The following PAPSS1 variants were observed in gnomAD, a reference collection of about 807,000 sequenced individuals.
The protein encoded by PAPSS1 is 3'-phosphoadenosine 5'-phosphosulfate synthase 1.
A neutral mutation model predicts 72.0 loss-of-function variants in PAPSS1; 50 were observed. That is an observed-to-expected ratio of 0.69 (90% CI 0.55 to 0.88). The LOEUF (loss-of-function observed/expected upper bound fraction) is 0.88. PAPSS1 is among the 40% of genes least tolerant of loss of function. The pLI is 0.00. For synonymous variants in PAPSS1, 261 were observed against 263.6 expected (o/e 0.99, Z 0.09); for missense variants, 657 against 782.2 (o/e 0.84, Z 1.91).
At chr4:107,691,619 T>C (rs1487425687) in intron 3 of PAPSS1, among the ~76,000 whole-genome samples, 1 of 152,162 alleles carries the variant, frequency 6.6e-6, no homozygotes, top group Non-Finnish European at 1.5e-5. Flanking sequence ...CCAGTGGGGT[T>C]TGGAGGCAGC....
intron 5 of PAPSS1, among the ~76,000 whole-genome samples, chr4:107,675,618 G>A (rs1727620552): frequency 6.6e-6 from 1 of 152,100 alleles, no homozygotes; most frequent in African/African-American, 2.4e-5. Flanking sequence ...AGGAGGAGCT[G>A]GTAACATTCC....
intron 5 of PAPSS1, among the ~76,000 whole-genome samples, chr4:107,677,263 A>C (rs1212178896): frequency 2.0e-5 from 3 of 152,228 alleles, no homozygotes; most frequent in Non-Finnish European, 4.4e-5. Context: ...ACAAAATGGG[A>C]GAAAATTTTT....
chr4:107,692,640 T>C (rs1303264992), intron 3 of PAPSS1, among the ~76,000 whole-genome samples: 1 of 152,164 alleles, frequency 6.6e-6, no homozygotes, highest in Admixed American at 6.5e-5. Flanking sequence ...ACTGAGTATA[T>C]ACCCAAATGA....
intron 11 of PAPSS1, among the ~76,000 whole-genome samples, chr4:107,617,778 T>G (rs927164365): frequency 6.6e-6 from 1 of 152,204 alleles, no homozygotes; most frequent in Non-Finnish European, 1.5e-5. Flanking sequence ...GATGGTTTGA[T>G]TCAGAGAGTT....
At chr4:107,631,985 A>G (rs538490490) in intron 10 of PAPSS1, 125 bp from the exon 11 acceptor site, 1 of 677,926 alleles carries the variant, frequency 1.5e-6, no homozygotes, top group South Asian at 2.1e-5. Context: ...CAACAAATTT[A>G]GATGTATCAT....
chr4:107,700,032 A>G (rs1723168506), intron 2 of PAPSS1, among the ~76,000 whole-genome samples: 1 of 152,246 alleles, frequency 6.6e-6, no homozygotes, highest in Non-Finnish European at 1.5e-5. Context: ...CCTGGGCAAT[A>G]AAAATGTAAC....
intron 2 of PAPSS1, among the ~76,000 whole-genome samples, chr4:107,694,743 T>C (rs1723023031): frequency 6.6e-6 from 1 of 152,218 alleles, no homozygotes. Context: ...TTAATTTTAA[T>C]AGAACACCCT....
At chr4:107,681,939 A>ATT in intron 5 of PAPSS1, 76 bp downstream of exon 5, 3 of 724,772 alleles carry the variant, frequency 4.1e-6, no homozygotes, top group Non-Finnish European at 7.1e-6. Flanking sequence ...TAACACCACC[A>ATT]TTTTTTTTTG....
intron 5 of PAPSS1, among the ~76,000 whole-genome samples, chr4:107,671,261 T>G (rs1013719179): frequency 6.9e-6 from 1 of 144,820 alleles, no homozygotes; most frequent in African/African-American, 2.6e-5. Flanking sequence ...CAAAATCAAG[T>G]TTTTTTTTTT....
chr4:107,624,452 C>G (rs1726043593), intron 11 of PAPSS1, among the ~76,000 whole-genome samples: 1 of 152,134 alleles, frequency 6.6e-6, no homozygotes, highest in African/African-American at 2.4e-5. Context: ...GTACCTACAA[C>G]CTAGCAATGG....
At chr4:107,675,648 A>ATT (rs1445514423) in intron 5 of PAPSS1, among the ~76,000 whole-genome samples, 1 of 152,214 alleles carries the variant, frequency 6.6e-6, no homozygotes, top group Non-Finnish European at 1.5e-5. Flanking sequence ...TGTTCCAATC[A>ATT]ATAGAAAAAG....
At chr4:107,648,771 T>C (rs1463550634) in intron 9 of PAPSS1, among the ~76,000 whole-genome samples, 1 of 152,152 alleles carries the variant, frequency 6.6e-6, no homozygotes, top group Middle Eastern at 3.2e-3. Context: ...GTGCTTAATG[T>C]TTGTTTTTGT....
intron 11 of PAPSS1, 49 bp from the exon 12 acceptor site, chr4:107,614,436 G>T (rs755439990): frequency 6.8e-6 from 10 of 1,474,798 alleles, no homozygotes; most frequent in Admixed American, 3.7e-5. Flanking sequence ...TAGAAACTTA[G>T]ATTTTTAAAA....
intron 5 of PAPSS1, 112 bp downstream of exon 5, chr4:107,681,903 T>C (rs995609270): frequency 2.2e-5 from 14 of 627,604 alleles, no homozygotes; most frequent in Non-Finnish European, 3.4e-5. Flanking sequence ...TTTCGAAGCA[T>C]TTAAAATACA....
intron 2 of PAPSS1, among the ~76,000 whole-genome samples, chr4:107,700,425 T>C (rs1231741727): frequency 1.3e-5 from 2 of 152,232 alleles, no homozygotes; most frequent in African/African-American, 2.4e-5. Context: ...GACAAGACTC[T>C]AGGGAAACAA....
At chr4:107,655,096 C>A (rs1726964928) in intron 7 of PAPSS1, among the ~76,000 whole-genome samples, 196 bp from the exon 8 acceptor site, 1 of 144,190 alleles carries the variant, frequency 6.9e-6, no homozygotes, top group Non-Finnish European at 1.5e-5. Flanking sequence ...GAGCAACGAT[C>A]TCCCAAGTTA....
At chr4:107,683,981 C>T (rs2110337738) in intron 4 of PAPSS1, among the ~76,000 whole-genome samples, 1 of 152,172 alleles carries the variant, frequency 6.6e-6, no homozygotes, top group East Asian at 1.9e-4. Flanking sequence ...CACACAAACA[C>T]ACATTAACCT....
At chr4:107,614,802 T>C (rs1725776672) in intron 11 of PAPSS1, among the ~76,000 whole-genome samples, 1 of 152,196 alleles carries the variant, frequency 6.6e-6, no homozygotes, top group South Asian at 2.1e-4. Flanking sequence ...TAATTTCTCT[T>C]ATGCACTTAA....
At chr4:107,626,061 C>T (rs1315628380) in intron 11 of PAPSS1, among the ~76,000 whole-genome samples, 1 of 151,676 alleles carries the variant, frequency 6.6e-6, no homozygotes, top group Non-Finnish European at 1.5e-5. Flanking sequence ...GCTGGGAGTC[C>T]CAGCTACTCG....
Sources: allele counts gnomAD v4.1 joint callset (sites outside exome capture counted in the v4.1 genomes callset), GRCh38; gene constraint gnomAD v4.1.1; transcripts MANE v1.5; gene names NCBI Gene and HGNC (gene_info 2026-07-23, HGNC 2026-07-21).